KRABD5: variants seen among roughly 807,000 people sequenced by gnomAD.
KRABD5 encodes the protein KRAB domain-containing protein 5.
the KRABD5 span, chr16:31,759,149 G>A: frequency 2.2e-6 from 1 of 454,222 alleles, no homozygotes; most frequent in Non-Finnish European, 4.1e-6. Flanking sequence ...CAATATTTAT[G>A]TATCTTTTAG....
At chr16:31,714,486 A>C in the KRABD5 span, 1 of 452,178 alleles carries the variant, frequency 2.2e-6, no homozygotes. Flanking sequence ...GACGTTTGCT[A>C]TCCTGGGGTA....
At chr16:31,738,247 T>C in the KRABD5 span, among the ~76,000 whole-genome samples, 1 of 152,136 alleles carries the variant, frequency 6.6e-6, no homozygotes, top group African/African-American at 2.4e-5. Flanking sequence ...TGTTTCCTTA[T>C]TGATCTTTTG....
At chr16:31,718,669 T>C in the KRABD5 span, among the ~76,000 whole-genome samples, 1 of 152,214 alleles carries the variant, frequency 6.6e-6, no homozygotes, top group Non-Finnish European at 1.5e-5. Flanking sequence ...AAGAGTTAGC[T>C]GATCAGGTAT....
the KRABD5 span, among the ~76,000 whole-genome samples, chr16:31,732,825 C>T: frequency 1.3e-5 from 2 of 152,122 alleles, no homozygotes; most frequent in Admixed American, 6.5e-5. Context: ...TTTCCTGTGA[C>T]ATTTTACTGC....
At chr16:31,727,399 T>C in the KRABD5 span, among the ~76,000 whole-genome samples, 4 of 152,374 alleles carry the variant, frequency 2.6e-5, no homozygotes, top group East Asian at 3.9e-4. Flanking sequence ...AACAGCTTTA[T>C]TGAGCTGGCA....
At chr16:31,730,625 A>G in the KRABD5 span, among the ~76,000 whole-genome samples, 1 of 152,068 alleles carries the variant, frequency 6.6e-6, no homozygotes, top group Non-Finnish European at 1.5e-5. Flanking sequence ...TTAAGACATT[A>G]TATCTTTAAT....
chr16:31,744,329 A>T, the KRABD5 span, among the ~76,000 whole-genome samples: 4 of 151,976 alleles, frequency 2.6e-5, no homozygotes, highest in Admixed American at 6.6e-5. Flanking sequence ...AGTTTTTAAC[A>T]TGAAGGAATG....
At chr16:31,744,905 CT>C in the KRABD5 span, among the ~76,000 whole-genome samples, 1 of 151,930 alleles carries the variant, frequency 6.6e-6, no homozygotes. Context: ...TTCTAGTTTA[CT>C]TGTGTAGAGA....
chr16:31,742,588 T>C, the KRABD5 span, among the ~76,000 whole-genome samples: 1 of 152,222 alleles, frequency 6.6e-6, no homozygotes, highest in South Asian at 2.1e-4. Context: ...TGGTTCCCTG[T>C]CTTTGCTATT....
chr16:31,743,333 T>C, the KRABD5 span, among the ~76,000 whole-genome samples: 91,834 of 151,780 alleles, frequency 0.61, 28,812 homozygotes, highest in Middle Eastern at 0.73. Flanking sequence ...TTCTGTTTTC[T>C]GCATATGGCT....
the KRABD5 span, among the ~76,000 whole-genome samples, chr16:31,730,229 T>C: frequency 3.0e-3 from 25 of 8,198 alleles, no homozygotes; most frequent in East Asian, 0.021. Context: ...ATTCCTTTAA[T>C]TTTTTTTTTG....
the KRABD5 span, among the ~76,000 whole-genome samples, chr16:31,733,823 A>G: frequency 2.0e-5 from 3 of 152,228 alleles, no homozygotes; most frequent in Middle Eastern, 3.4e-3. Flanking sequence ...GCTTCCAGGT[A>G]TTGTCTTTTG....
chr16:31,732,193 C>G, the KRABD5 span, among the ~76,000 whole-genome samples: 1 of 152,208 alleles, frequency 6.6e-6, no homozygotes, highest in African/African-American at 2.4e-5. Flanking sequence ...CCTCCTTGAT[C>G]TTGGGCTCCA....
At chr16:31,738,309 A>C in the KRABD5 span, among the ~76,000 whole-genome samples, 6 of 152,078 alleles carry the variant, frequency 3.9e-5, no homozygotes, top group African/African-American at 1.4e-4. Context: ...TCCTACTACT[A>C]TTGTACTGCT....
chr16:31,752,394 T>C, the KRABD5 span, among the ~76,000 whole-genome samples: 52 of 152,308 alleles, frequency 3.4e-4, no homozygotes, highest in African/African-American at 1.2e-3. Context: ...CTCACTGTTA[T>C]TATGTGACTA....
the KRABD5 span, among the ~76,000 whole-genome samples, chr16:31,730,643 CTTCT>C: frequency 1.3e-5 from 2 of 151,724 alleles, no homozygotes; most frequent in Non-Finnish European, 2.9e-5. Flanking sequence ...AATCTTTTTT[CTTCT>C]TTCTTTCTTC....
chr16:31,724,815 G>A, the KRABD5 span, among the ~76,000 whole-genome samples: 1 of 151,864 alleles, frequency 6.6e-6, no homozygotes, highest in African/African-American at 2.4e-5. Context: ...TTAAATGAAA[G>A]TTTGTACTCT....
chr16:31,745,603 T>G, the KRABD5 span, among the ~76,000 whole-genome samples: 1 of 152,330 alleles, frequency 6.6e-6, no homozygotes, highest in South Asian at 2.1e-4. Context: ...TCTGTTGATT[T>G]GGAATGGAGA....
the KRABD5 span, chr16:31,754,170 G>T: frequency 7.2e-6 from 5 of 692,298 alleles, no homozygotes; most frequent in East Asian, 1.1e-4. Context: ...ATATAGAACT[G>T]GAGTAAATGT....
Sources: gnomAD v4.1 joint callset for allele counts (sites outside exome capture counted in the v4.1 genomes callset) on GRCh38, gnomAD v4.1.1 for gene constraint, MANE v1.5 for transcripts, NCBI Gene and HGNC (gene_info 2026-07-23, HGNC 2026-07-21) for gene names.